OGDH: variants seen among roughly 807,000 people sequenced by gnomAD.
The protein encoded by OGDH is 2-oxoglutarate dehydrogenase complex component E1.
In OGDH, 38 loss-of-function variants were observed where a neutral mutation model predicts 116.6. The ratio of observed to expected loss-of-function variants is 0.33; its 90% CI spans 0.25 to 0.43. OGDH has a LOEUF of 0.43. OGDH is among the 20% of genes least tolerant of loss of function. The probability of loss-of-function intolerance (pLI) is 1.00; values close to 1 mark genes in which losing one functional copy is unlikely to be tolerated. For synonymous variants in OGDH, 488 were observed against 533.3 expected (o/e 0.92, Z 1.17); for missense variants, 825 against 1,357.2 (o/e 0.61, Z 6.16).
chr7:44,648,517 T>G (rs1175323233), intron 4 of OGDH, among the ~76,000 whole-genome samples: 2 of 152,194 alleles, frequency 1.3e-5, no homozygotes, highest in Non-Finnish European at 2.9e-5. Context: ...TGTGACTAAT[T>G]TTTAAATGGC....
rs1562696397 is a variant in OGDH at position 44,707,756 on chromosome 7, C to G, written c.2951+20C>G. ...CGTCTGGTAAGGCTTCAGTCCCTGC[C>G]AGGAAGGCTGTGGGACCCTCCCCTC... On this transcript the variant is annotated intron_variant, in intron 22 of 22. Transcript: ENST00000222673. This position sits in a 1 kb window ranked among gnomAD's most constrained non-coding sequence, Gnocchi z 5.2. 6.2e-7 allele frequency: 1 copy of G among 1,613,966 alleles called. No individual in the cohort carries two copies. The highest frequency in any genetic ancestry group is 1.3e-5 in the African/African-American group (1 of 75,050).
chr7:44,682,747 G>A (rs527830393), intron 10 of OGDH, among the ~76,000 whole-genome samples: 6 of 152,142 alleles, frequency 3.9e-5, no homozygotes, highest in African/African-American at 1.4e-4. Flanking sequence ...TAGCTACTTG[G>A]GGGTTTGAGA....
chr7:44,644,995 C>T (rs938745910), intron 2 of OGDH, among the ~76,000 whole-genome samples: 4 of 152,200 alleles, frequency 2.6e-5, no homozygotes, highest in African/African-American at 9.7e-5. Flanking sequence ...GAATCTGTCC[C>T]CAGGCCCAGT....
chr7:44,629,107 A>G (rs1404623839), intron 2 of OGDH, among the ~76,000 whole-genome samples: 1 of 152,142 alleles, frequency 6.6e-6, no homozygotes, highest in Non-Finnish European at 1.5e-5. Context: ...TGACATCTTT[A>G]TTTATGTCTT....
At chr7:44,618,007 A>G (rs1487984389) in intron 1 of OGDH, among the ~76,000 whole-genome samples, 1 of 152,208 alleles carries the variant, frequency 6.6e-6, no homozygotes, top group African/African-American at 2.4e-5. Context: ...CGAAGGCTTC[A>G]TATTTCAGAC....
intron 5 of OGDH, among the ~76,000 whole-genome samples, chr7:44,672,644 G>GTTTTTTT (rs539935339): frequency 8.2e-5 from 11 of 134,028 alleles, no homozygotes; most frequent in Non-Finnish European, 9.7e-5. Flanking sequence ...TTTGTTTTTT[G>GTTTTTTT]TTTTTTTTTT....
At position 44,659,065 on chromosome 7, in the gene OGDH, C is replaced by T. The variant is rs143944439; in HGVS notation, c.518-7671C>T. On this transcript the variant is annotated intron_variant, in intron 4 of 22. Transcript: ENST00000222673. The stretch of plus-strand genomic sequence containing the variant: ...GTTGGCTAGGCTGGTCTAGAACTCC[C>T]GACCTCAGGTGATCTGCCCACCTCA... 2.5e-3 allele frequency among the ~76,000 whole-genome samples: 384 copies of T among 152,138 alleles called. 1 individual carries two copies. The highest frequency in any genetic ancestry group is 8.9e-3 in the African/African-American group (369 of 41,498).
intron 1 of OGDH, among the ~76,000 whole-genome samples, chr7:44,608,182 C>G (rs1409486489): frequency 6.6e-6 from 1 of 152,148 alleles, no homozygotes; most frequent in Non-Finnish European, 1.5e-5. Context: ...AGGAAGATCC[C>G]TTGAGCTCAG....
intron 1 of OGDH, among the ~76,000 whole-genome samples, chr7:44,620,614 A>T (rs112676760): frequency 3.8e-4 from 58 of 152,318 alleles, no homozygotes; most frequent in African/African-American, 1.3e-3. Flanking sequence ...TGGAGTTGGC[A>T]CCCATTTAAA....
chr7:44,680,539 T>TACACACACAC lies in OGDH; in HGVS notation c.1207-1155_1207-1146dup, dbSNP rs56718274. Among the ~76,000 whole-genome samples the TACACACACAC allele has an allele frequency of 2.9e-3, 417 of 145,944 alleles. 2 individuals are homozygous for TACACACACAC. The highest frequency in any genetic ancestry group is 8.0e-3 in the East Asian group (40 of 4,984). ...AATACAAACTCATAGTTTTATTGCA[T>TACACACACAC]ACACACACACACACACACACACACA... is the stretch of plus-strand genomic sequence containing the variant. On this transcript the variant is annotated intron_variant, in intron 9 of 22. Transcript: ENST00000222673.
chr7:44,683,201 A>T (rs1036303855), intron 10 of OGDH, among the ~76,000 whole-genome samples: 1 of 152,168 alleles, frequency 6.6e-6, no homozygotes, highest in African/African-American at 2.4e-5. Flanking sequence ...ATTTTAATAC[A>T]TTATTTTTAA....
chr7:44,696,457 G>T lies in OGDH; in HGVS notation c.1800G>T (p.Arg600Ser). 1 of 1,614,196 alleles carries T rather than the reference G, an allele frequency of 6.2e-7. No individual in the cohort carries two copies. The highest frequency in any genetic ancestry group is 8.5e-7 in the Non-Finnish European group (1 of 1,180,042). ...PGFFTLDGQPRSMSCPSTGLT... is the reference protein window; with the variant it reads ...PGFFTLDGQPSSMSCPSTGLT... ...TCTTCACCCTGGACGGGCAGCCCAGGAGCATGTCCTGCCCCTCCACGGGTC... is the reference window on the plus strand; with the variant it reads ...TCTTCACCCTGGACGGGCAGCCCAGTAGCATGTCCTGCCCCTCCACGGGTC... The change falls in exon 14 of 23, where the codon AGG becomes AGT. Residue 600 changes from arginine (R) to serine (S), a missense_variant. By Grantham distance (110) the Arg-to-Ser change is moderately radical. Around this residue, in one of 7 missense-constraint regions of OGDH, gnomAD observed 92 missense variants for 129.7 expected, o/e 0.71. Transcript: ENST00000222673.
At chr7:44,705,391 T>C (rs1279384775) in intron 20 of OGDH, among the ~76,000 whole-genome samples, 2 of 152,210 alleles carry the variant, frequency 1.3e-5, no homozygotes, top group Admixed American at 6.5e-5. Context: ...GTCTATTTTT[T>C]CTTCAGTTGC....
intron 20 of OGDH, among the ~76,000 whole-genome samples, chr7:44,704,499 A>C (rs1788976895): frequency 6.6e-6 from 1 of 152,046 alleles, no homozygotes; most frequent in Non-Finnish European, 1.5e-5. Context: ...GATTACAGGC[A>C]TGAGCCACGG....
In OGDH at chr7:44,701,558, C is replaced by T; in HGVS notation, c.2575C>T (p.Pro859Ser). Residue 859 changes from proline to serine, a missense_variant, in exon 20 of 23, where the codon CCC becomes TCC. Transcript: ENST00000222673. ...PFRKPLIIFT[P>S]KSLLRHPEAR... ...TGTATTTCAGTTAATTATCTTCACC[C>T]CCAAATCCCTGTTGCGCCACCCCGA... 1.2e-6 allele frequency: 2 copies of T among 1,614,122 alleles called. No individual in the cohort carries two copies. The highest frequency in any genetic ancestry group is 1.7e-6 in the Non-Finnish European group (2 of 1,180,008).
chr7:44,633,086 T>C (rs1785512605), intron 2 of OGDH, among the ~76,000 whole-genome samples: 1 of 150,332 alleles, frequency 6.7e-6, no homozygotes, highest in Non-Finnish European at 1.5e-5. Context: ...ACCCTGTCTG[T>C]ACTAAAAATA....
chr7:44,637,818 C>CA (rs59064314), intron 2 of OGDH, among the ~76,000 whole-genome samples: 2,414 of 117,634 alleles, frequency 0.021, 34 homozygotes, highest in African/African-American at 0.049. Context: ...GACTCTGTCT[C>CA]AAAAAAAAAA....
At chr7:44,607,957 CCCCAAA>C (rs544891565) in intron 1 of OGDH, among the ~76,000 whole-genome samples, 1,575 of 152,232 alleles carry the variant, frequency 0.01, 12 homozygotes, top group Non-Finnish European at 0.015. Flanking sequence ...CCGCCTCGGC[CCCCAAA>C]GTGCTGGGAT....
intron 4 of OGDH, among the ~76,000 whole-genome samples, chr7:44,648,309 G>T (rs1365884909): frequency 6.6e-6 from 1 of 152,158 alleles, no homozygotes; most frequent in African/African-American, 2.4e-5. Flanking sequence ...ACAGCGTCAG[G>T]AGGTCAGGGC....
Sources: allele counts gnomAD v4.1 joint callset (sites outside exome capture counted in the v4.1 genomes callset), GRCh38; gene constraint gnomAD v4.1.1; regional missense constraint gnomAD v4.1.1; non-coding constraint Gnocchi (gnomAD v3.1); transcripts MANE v1.5; gene names NCBI Gene and HGNC (gene_info 2026-07-23, HGNC 2026-07-21).